Variants in NLGN4X observed in about 807,000 individuals in gnomAD.
NLGN4X encodes neuroligin-4, X-linked.
NLGN4X carries 3 observed loss-of-function variants against 40.3 expected under a neutral mutation model. The observed-to-expected ratio is 0.07, with a 90% CI of 0.03 to 0.19. NLGN4X has a LOEUF of 0.19. Ranked by LOEUF, NLGN4X falls within the 10% of genes least tolerant of loss-of-function variation. The probability of loss-of-function intolerance (pLI) is 1.00; values close to 1 mark genes in which losing one functional copy is unlikely to be tolerated. For synonymous variants in NLGN4X, 270 were observed against 306.8 expected (o/e 0.88, Z 1.25); for missense variants, 382 against 708.3 (o/e 0.54, Z 5.23).
At chrX:6,225,900 A>C (rs866575076) in intron 1 of NLGN4X, among the ~76,000 whole-genome samples, 30 of 41,744 alleles carry the variant, frequency 7.2e-4, no homozygotes, top group Admixed American at 1.7e-3. Context: ...CGCCCCCCCC[A>C]AAAAAAATGA....
At chrX:5,967,574 G>A (rs1465703886) in intron 3 of NLGN4X, among the ~76,000 whole-genome samples, 1 of 103,571 alleles carries the variant, frequency 9.7e-6, no homozygotes, top group Non-Finnish European at 2.0e-5. Flanking sequence ...TTCTGCTTCT[G>A]TGCATGAACC....
intron 1 of NLGN4X, among the ~76,000 whole-genome samples, chrX:6,174,886 C>T (rs1012266137): frequency 6.3e-5 from 7 of 110,579 alleles, no homozygotes; most frequent in African/African-American, 2.3e-4. Flanking sequence ...CTCAGCATCA[C>T]GCAATATTCC....
intron 1 of NLGN4X, 149 bp from the exon 2 acceptor site, chrX:6,151,920 T>A (rs1292340790): frequency 1.2e-5 from 2 of 161,385 alleles, no homozygotes; most frequent in East Asian, 3.1e-4. Flanking sequence ...CTCCACATAG[T>A]AGGCAACAGC....
intron 3 of NLGN4X, among the ~76,000 whole-genome samples, chrX:5,920,526 T>A (rs2032988578): frequency 1.8e-5 from 2 of 111,829 alleles, no homozygotes; most frequent in Admixed American, 9.5e-5. Flanking sequence ...TGGAAGACAT[T>A]CAACATCTTC....
At chrX:5,959,592 T>A (rs2034593772) in intron 3 of NLGN4X, among the ~76,000 whole-genome samples, 1 of 111,408 alleles carries the variant, frequency 9.0e-6, no homozygotes, top group African/African-American at 3.3e-5. Context: ...GACATAAGGT[T>A]AAAACAATTT....
intron 3 of NLGN4X, among the ~76,000 whole-genome samples, chrX:5,932,980 T>C (rs1164392259): frequency 9.1e-6 from 1 of 110,211 alleles, no homozygotes; most frequent in Non-Finnish European, 1.9e-5. Flanking sequence ...GAGAGAAAAA[T>C]GGGTGAGCTA....
chrX:6,220,920 T>C (rs1387296973), intron 1 of NLGN4X, among the ~76,000 whole-genome samples: 10 of 108,731 alleles, frequency 9.2e-5, no homozygotes, highest in African/African-American at 3.0e-4. Flanking sequence ...GTATTTTTAG[T>C]AGAGACAGGA....
At chrX:6,195,227 A>C (rs373006500) in intron 1 of NLGN4X, among the ~76,000 whole-genome samples, 37 of 112,305 alleles carry the variant, frequency 3.3e-4, no homozygotes, top group African/African-American at 1.2e-3. Flanking sequence ...ATTGTCTCCA[A>C]AAACATATAA....
At chrX:5,985,370 T>A (rs1474007857) in intron 3 of NLGN4X, among the ~76,000 whole-genome samples, 3 of 111,797 alleles carry the variant, frequency 2.7e-5, no homozygotes. Flanking sequence ...GACTCTCCTG[T>A]CAACTCTTAT....
At chrX:6,034,588 T>C (rs2036952917) in intron 2 of NLGN4X, among the ~76,000 whole-genome samples, 1 of 112,606 alleles carries the variant, frequency 8.9e-6, no homozygotes, top group South Asian at 3.7e-4. Context: ...TCAGCTGCAA[T>C]ACCTGGCATT....
intron 3 of NLGN4X, among the ~76,000 whole-genome samples, chrX:5,923,681 G>A (rs2033161444): frequency 9.0e-6 from 1 of 111,632 alleles, no homozygotes; most frequent in South Asian, 3.8e-4. Flanking sequence ...GGAAGGGCCT[G>A]CCCCCATGAT....
intron 1 of NLGN4X, among the ~76,000 whole-genome samples, chrX:6,181,154 T>C (rs945524002): frequency 1.2e-4 from 13 of 111,253 alleles, no homozygotes; most frequent in Non-Finnish European, 2.4e-4. Flanking sequence ...GTTAAGGGCA[T>C]CTGAAACTCT....
At chrX:6,000,503 C>CT (rs931084127) in intron 3 of NLGN4X, among the ~76,000 whole-genome samples, 1 of 111,231 alleles carries the variant, frequency 9.0e-6, no homozygotes, top group African/African-American at 3.3e-5. Flanking sequence ...ACCCTAAGCC[C>CT]TGGCAATGCT....
chrX:6,132,408 G>C (rs1240988338), intron 2 of NLGN4X, among the ~76,000 whole-genome samples: 1 of 111,168 alleles, frequency 9.0e-6, no homozygotes, highest in African/African-American at 3.3e-5. Context: ...CTCAATATCA[G>C]AACTACTGAT....
Position 6,175,655 on chromosome X carries a change from G to GAAAAAAAAAAA in NLGN4X, c.-305-23895_-305-23885dup, listed in dbSNP as rs3045369. Reference sequence around the variant, plus strand: ...TCAAGTTATATCATTATCTATTACAGAAAAAAAAAAAAAAAAAACAAGATA... The same window carrying GAAAAAAAAAAA: ...TCAAGTTATATCATTATCTATTACAGAAAAAAAAAAAAAAAAAAAAAAAAAAAAACAAGATA... On this transcript the variant is annotated intron_variant, in intron 1 of 5. Coordinates refer to ENST00000381095, the MANE Select transcript of NLGN4X (RefSeq NM_181332.3). Among the ~76,000 whole-genome samples the GAAAAAAAAAAA allele has an allele frequency of 1.2e-3, 71 of 60,969 alleles. 1 individual carries two copies. The highest frequency in any genetic ancestry group is 4.1e-3 in the African/African-American group (62 of 15,220). 52.9% of individuals were successfully genotyped at this position (60,969 alleles called of 115,157 possible). A position where few individuals can be genotyped will look rare whatever the true frequency, so the allele number is the denominator to read the frequency against.
intron 2 of NLGN4X, among the ~76,000 whole-genome samples, chrX:6,078,586 G>A (rs533811983): frequency 2.7e-5 from 3 of 111,506 alleles, no homozygotes; most frequent in Admixed American, 1.9e-4. Context: ...ATGTGCTTGC[G>A]GCAATTATTG....
At chrX:6,048,756 ACAC>A (rs1158847520) in intron 2 of NLGN4X, among the ~76,000 whole-genome samples, 3 of 108,683 alleles carry the variant, frequency 2.8e-5, no homozygotes, top group Non-Finnish European at 5.7e-5. Flanking sequence ...AGAGAACCAA[ACAC>A]CACATGTTCT....
chrX:6,163,170 T>C (rs1035703075), intron 1 of NLGN4X, among the ~76,000 whole-genome samples: 5 of 112,120 alleles, frequency 4.5e-5, no homozygotes, highest in Non-Finnish European at 7.5e-5. Context: ...TGTGAGTCCA[T>C]TAAATCTCTT....
At chrX:5,902,386 G>A (rs189594445) in intron 5 of NLGN4X, among the ~76,000 whole-genome samples, 18 of 111,061 alleles carry the variant, frequency 1.6e-4, no homozygotes, top group Non-Finnish European at 3.4e-4. Flanking sequence ...GCATGGTGGT[G>A]CACGCCTGTA....
Sources: allele counts gnomAD v4.1 joint callset (sites outside exome capture counted in the v4.1 genomes callset), GRCh38; gene constraint gnomAD v4.1.1; transcripts MANE v1.5; gene names NCBI Gene and HGNC (gene_info 2026-07-23, HGNC 2026-07-21).